CPA6: variants seen among roughly 807,000 people sequenced by gnomAD.
CPA6 encodes the protein carboxypeptidase B.
In CPA6, 58 loss-of-function variants were observed where a neutral mutation model predicts 63.3. The ratio of observed to expected loss-of-function variants is 0.92; its 90% CI spans 0.74 to 1.14. The LOEUF is 1.14. Ranked by LOEUF, CPA6 falls within the 50% of genes most tolerant of loss-of-function variation. The pLI, the probability that CPA6 is intolerant of heterozygous loss-of-function variation, is 0.00. For missense variants in CPA6, 565 were observed against 526.6 expected (o/e 1.07, Z -0.71); for synonymous variants, 185 against 179.0 (o/e 1.03, Z -0.27).
intron 2 of CPA6, among the ~76,000 whole-genome samples, chr8:67,555,922 C>T (rs996773505): frequency 5.9e-5 from 9 of 152,186 alleles, no homozygotes; most frequent in Middle Eastern, 3.2e-3. Context: ...GAATTGCTTT[C>T]GCCAAGAAGT....
intron 1 of CPA6, among the ~76,000 whole-genome samples, chr8:67,731,048 G>C (rs773080410): frequency 1.3e-5 from 2 of 152,144 alleles, no homozygotes; most frequent in Non-Finnish European, 2.9e-5. Context: ...CCACTAGTTG[G>C]TTTAGAATAC....
intron 2 of CPA6, among the ~76,000 whole-genome samples, chr8:67,571,415 C>T (rs1813482823): frequency 6.6e-6 from 1 of 152,174 alleles, no homozygotes. Flanking sequence ...ACTTTAAGAA[C>T]ACAGAGTACA....
chr8:67,729,666 C>T (rs567239907), intron 1 of CPA6, among the ~76,000 whole-genome samples: 11 of 152,274 alleles, frequency 7.2e-5, no homozygotes, highest in Admixed American at 3.9e-4. Flanking sequence ...TGGAAGAAAA[C>T]GGTTACTAGT....
intron 1 of CPA6, among the ~76,000 whole-genome samples, chr8:67,720,098 C>T (rs1228482524): frequency 6.6e-6 from 1 of 151,152 alleles, no homozygotes; most frequent in Non-Finnish European, 1.5e-5. Context: ...GGCGGTTTTA[C>T]AGGATTTGGG....
At chr8:67,490,059 T>A (rs78546410) in intron 6 of CPA6, among the ~76,000 whole-genome samples, 1 of 152,154 alleles carries the variant, frequency 6.6e-6, no homozygotes. Context: ...ATTCTCCATC[T>A]GGTCACACAA....
intron 1 of CPA6, among the ~76,000 whole-genome samples, chr8:67,705,439 C>T (rs1002708717): frequency 8.5e-5 from 13 of 152,146 alleles, no homozygotes; most frequent in South Asian, 4.1e-4. Context: ...AACTCTCCTC[C>T]GAATCCTGCC....
intron 10 of CPA6, among the ~76,000 whole-genome samples, chr8:67,426,662 G>C (rs998108005): frequency 6.6e-6 from 1 of 152,122 alleles, no homozygotes; most frequent in African/African-American, 2.4e-5. Flanking sequence ...ACAATGATAG[G>C]TAGATTAAAG....
intron 2 of CPA6, among the ~76,000 whole-genome samples, chr8:67,550,836 T>C (rs1812922772): frequency 6.6e-6 from 1 of 152,212 alleles, no homozygotes; most frequent in African/African-American, 2.4e-5. Flanking sequence ...TTGTATATCT[T>C]CTTTTGAGAA....
chr8:67,452,660 ATAGACAC>A (rs1429011113), intron 8 of CPA6: 1 of 152,258 alleles, frequency 6.6e-6, no homozygotes, highest in Non-Finnish European at 1.5e-5. Flanking sequence ...TGGCGAGACA[ATAGACAC>A]TAGACACAGT....
At chr8:67,555,566 C>T (rs1813041778) in intron 2 of CPA6, among the ~76,000 whole-genome samples, 1 of 152,160 alleles carries the variant, frequency 6.6e-6, no homozygotes, top group South Asian at 2.1e-4. Flanking sequence ...AAAGCACTTT[C>T]CTGAGTTCTA....
chr8:67,736,900 A>C (rs1191101073), intron 1 of CPA6, among the ~76,000 whole-genome samples: 2 of 152,210 alleles, frequency 1.3e-5, no homozygotes, highest in Non-Finnish European at 2.9e-5. Context: ...TAGTGGAAAA[A>C]TTGTGAAAAT....
chr8:67,729,869 G>T (rs1469477112), intron 1 of CPA6, among the ~76,000 whole-genome samples: 1 of 152,254 alleles, frequency 6.6e-6, no homozygotes, highest in Non-Finnish European at 1.5e-5. Flanking sequence ...GGTAAAGAAA[G>T]TTACAGGGCT....
chr8:67,636,359 A>C (rs1162958367), intron 1 of CPA6, among the ~76,000 whole-genome samples: 1 of 151,480 alleles, frequency 6.6e-6, no homozygotes, highest in Non-Finnish European at 1.5e-5. Flanking sequence ...TGTATAATAC[A>C]TTTTAAAATT....
chr8:67,624,934 G>A (rs990966018), intron 1 of CPA6, among the ~76,000 whole-genome samples: 7 of 152,274 alleles, frequency 4.6e-5, no homozygotes, highest in African/African-American at 1.7e-4. Context: ...AGCAATCACT[G>A]AGAAGATGAT....
At chr8:67,561,602 C>T (rs899712172) in intron 2 of CPA6, among the ~76,000 whole-genome samples, 1 of 152,132 alleles carries the variant, frequency 6.6e-6, no homozygotes, top group Non-Finnish European at 1.5e-5. Flanking sequence ...AGAGATATGA[C>T]AACTTAATCC....
chr8:67,614,801 C>T (rs1342865375), intron 2 of CPA6, among the ~76,000 whole-genome samples: 1 of 152,096 alleles, frequency 6.6e-6, no homozygotes, highest in Non-Finnish European at 1.5e-5. Flanking sequence ...ACATGAGCTC[C>T]CCTTCTCCAT....
rs73683158 is a variant in CPA6, at chr8:67,669,754, G to A, written c.117-45503C>T. Among the ~76,000 whole-genome samples the A allele has an allele frequency of 7.2e-3, 1,085 of 150,632 alleles. 18 individuals carry two copies. Among genetic ancestry groups the A allele is most frequent in the African/African-American group, 0.025 (1,029 of 40,886 alleles). On this transcript the variant is annotated intron_variant, in intron 1 of 10. Coordinates refer to ENST00000297770, the MANE Select transcript of CPA6 (RefSeq NM_020361.5). ...ACGTTTGATGCTTCTTATGTGTCATGTAACTAAGAGCAAAAGGAAATATGA... is the reference window on the plus strand; with the variant it reads ...ACGTTTGATGCTTCTTATGTGTCATATAACTAAGAGCAAAAGGAAATATGA...
intron 2 of CPA6, among the ~76,000 whole-genome samples, chr8:67,520,213 C>T (rs116368591): frequency 0.027 from 4,170 of 152,170 alleles, 183 homozygotes; most frequent in African/African-American, 0.093. Flanking sequence ...TATGAATTAC[C>T]ACTCTGGAGA....
chr8:67,495,885 C>T (rs1047226059), intron 6 of CPA6, among the ~76,000 whole-genome samples: 2 of 152,104 alleles, frequency 1.3e-5, no homozygotes, highest in African/African-American at 4.8e-5. Context: ...TTGGACCAAA[C>T]TCTGCCTGGC....
Sources: allele counts gnomAD v4.1 joint callset (sites outside exome capture counted in the v4.1 genomes callset), GRCh38; gene constraint gnomAD v4.1.1; transcripts MANE v1.5; gene names NCBI Gene and HGNC (gene_info 2026-07-23, HGNC 2026-07-21).